Variants in LRRC56 observed in about 807,000 individuals in gnomAD.
LRRC56 encodes the protein leucine rich repeat containing 56.
In LRRC56, 41 loss-of-function variants were observed where a neutral mutation model predicts 47.8. The observed-to-expected ratio is 0.86, with a 90% confidence interval of 0.67 to 1.11. LRRC56 has a LOEUF of 1.11. Among genes scored for constraint, LRRC56 ranks in the 50% most tolerant of loss-of-function variants. The pLI is 0.00. For missense variants in LRRC56, 759 were observed against 704.2 expected, an observed-to-expected ratio of 1.08 and a Z score of -0.88; for synonymous variants, 387 against 311.2, an observed-to-expected ratio of 1.24 and a Z score of -2.56.
chr11:543,455 TC>T (rs1192153247), intron 5 of LRRC56, among the ~76,000 whole-genome samples: 5 of 152,152 alleles, frequency 3.3e-5, no homozygotes, highest in African/African-American at 1.2e-4. Flanking sequence ...CCTCAGGTGA[TC>T]CACCCGCCTC....
At chr11:533,527 C>G (rs763754805), upstream of LRRC56, 5 of 1,613,712 alleles carry the variant, frequency 3.1e-6, no homozygotes, top group African/African-American at 6.7e-5. Flanking sequence ...TGCCGAGATT[C>G]CACAGTGCGT....
the LRRC56 span, among the ~76,000 whole-genome samples, chr11:511,149 G>A: frequency 6.6e-5 from 10 of 150,736 alleles, no homozygotes; most frequent in East Asian, 2.0e-4. Context: ...GTAAAACCGC[G>A]TCTCTACTAA....
chr11:539,777 G>T (rs945644873), intron 3 of LRRC56, 51 bp downstream of exon 3: 2 of 152,464 alleles, frequency 1.3e-5, no homozygotes, highest in African/African-American at 4.8e-5. Context: ...GGAAGAATGG[G>T]ATGCAAGAGA....
At chr11:537,821 G>A (rs1164220624) in intron 1 of LRRC56, among the ~76,000 whole-genome samples, 1 of 152,210 alleles carries the variant, frequency 6.6e-6, no homozygotes, top group Non-Finnish European at 1.5e-5. Flanking sequence ...CAGGAGACAG[G>A]AGGGGCCCCA....
chr11:519,199 C>T, the LRRC56 span, among the ~76,000 whole-genome samples: 1 of 152,356 alleles, frequency 6.6e-6, no homozygotes, highest in African/African-American at 2.4e-5. Flanking sequence ...CCCTGAGCCG[C>T]GCGCATTCCT....
intron 5 of LRRC56, among the ~76,000 whole-genome samples, chr11:543,504 C>A (rs1302424766): frequency 6.6e-6 from 1 of 152,204 alleles, no homozygotes; most frequent in African/African-American, 2.4e-5. Flanking sequence ...TGTGAGCCAC[C>A]ACGCCAGGCC....
In LRRC56 at chr11:550,124, TG is replaced by T. The variant is rs1221197180; in HGVS notation, c.478del (p.Glu160AsnfsTer60). 4 of 1,613,506 alleles carry T rather than the reference TG, an allele frequency of 2.5e-6. No homozygotes were observed. The highest frequency in any genetic ancestry group is 3.4e-6 in the Non-Finnish European group (4 of 1,179,862). On this transcript the variant is annotated frameshift_variant, in exon 8 of 14. Transcript: ENST00000270115. LOFTEE classifies it high-confidence loss of function. Reference sequence around the variant, plus strand: ...TCGGACCTGAGCCCACTGTGCCTGCTGGAACAATTGGAGGTGCTGGACCTGG... The same window carrying T: ...TCGGACCTGAGCCCACTGTGCCTGCTGAACAATTGGAGGTGCTGGACCTGG... ...NISDLSPLCL[L>X]EQLEVLDLEG...
In LRRC56 at chr11:541,420, C is replaced by T; in HGVS notation, c.178-117C>T. 1.9e-6 allele frequency: 1 copy of T among 528,220 alleles called. No individual in the cohort carries two copies. Among genetic ancestry groups the T allele is most frequent in the Non-Finnish European group, 3.3e-6 (1 of 305,362 alleles). 32.7% of individuals were successfully genotyped at this position (528,220 alleles called of 1,614,324 possible). A position where few individuals can be genotyped will look rare whatever the true frequency, so the allele number is the denominator to read the frequency against. On this transcript the variant is annotated intron_variant, in intron 4 of 13. Coordinates refer to ENST00000270115, the MANE Select transcript of LRRC56 (RefSeq NM_198075.4). The surrounding 1 kb of genome is among the most constrained non-coding windows in gnomAD (Gnocchi z 4.1). ...CAGGCCAGGGCCAACATGGCCCAGG[C>T]AGGGAAACGTCGGTGCCTGCTCCAG...
At chr11:516,283 C>T in the LRRC56 span, among the ~76,000 whole-genome samples, 73 of 152,206 alleles carry the variant, frequency 4.8e-4, no homozygotes, top group Middle Eastern at 6.8e-3. Context: ...ATCCCAGCTA[C>T]TCGGGAGGCT....
chr11:508,870 C>T, the LRRC56 span, among the ~76,000 whole-genome samples: 7 of 151,746 alleles, frequency 4.6e-5, no homozygotes, highest in African/African-American at 9.7e-5. Flanking sequence ...ATGATGAAAC[C>T]CCATCTCTAC....
chr11:528,377 C>G, the LRRC56 span: 3 of 152,198 alleles, frequency 2.0e-5, no homozygotes, highest in Admixed American at 2.0e-4. Flanking sequence ...TCCACCCCCT[C>G]GGCAGCCCAG....
rs1564808456 is a variant in LRRC56 at position 552,584 on chromosome 11, G to A, written c.1197G>A (p.Arg399=). 2 of 1,605,964 alleles carry A rather than the reference G, an allele frequency of 1.2e-6. No homozygotes were observed. Among genetic ancestry groups the A allele is most frequent in the Middle Eastern group, 1.9e-4 (1 of 5,222 alleles). Residue 399 remains arginine (R), a synonymous_variant, in exon 13 of 14, where the codon AGG becomes AGA. Coordinates refer to ENST00000270115, the MANE Select transcript of LRRC56 (RefSeq NM_198075.4). ...REHGVRPLPY[R]HPESQQEGAV... ...CCCACCCTAGCCCCCTCCCCTATAG[G>A]CACCCGGAGTCCCAACAGGAAGGGG...
At chr11:508,019 C>G in the LRRC56 span, among the ~76,000 whole-genome samples, 1 of 152,254 alleles carries the variant, frequency 6.6e-6, no homozygotes, top group African/African-American at 2.4e-5. Context: ...GACCCCACCT[C>G]CACAAAAGTG....
the LRRC56 span, among the ~76,000 whole-genome samples, chr11:526,941 AAG>A: frequency 6.6e-6 from 1 of 152,130 alleles, no homozygotes; most frequent in African/African-American, 2.4e-5. Context: ...CGTCTAAAAA[AAG>A]AAAAAAAAAG....
the LRRC56 span, among the ~76,000 whole-genome samples, chr11:531,500 T>C: frequency 6.6e-6 from 1 of 152,108 alleles, no homozygotes; most frequent in Non-Finnish European, 1.5e-5. Context: ...GCAGAGTGGG[T>C]GGCAGAGCCT....
chr11:550,060 C>T lies in LRRC56; in HGVS notation c.424-12C>T, dbSNP rs776496463. On this transcript the variant is annotated splice_polypyrimidine_tract_variant and intron_variant, in intron 7 of 13. Transcript: ENST00000270115. ...TGGGCCGGGCCCTGGCTCAGAGCCC[C>T]GCGCTGCCCAGGAACTCTACGCCTC... 2.2e-5 allele frequency: 36 copies of T among 1,611,260 alleles called. No individual in the cohort carries two copies. Among genetic ancestry groups the T allele is most frequent in the Admixed American group, 5.0e-5 (3 of 59,934 alleles).
upstream of LRRC56, chr11:532,689 G>C: frequency 6.2e-7 from 1 of 1,613,174 alleles, no homozygotes; most frequent in Non-Finnish European, 8.5e-7. Flanking sequence ...TCATCAGGAG[G>C]GTTCAGCTTC....
Position 550,265 on chromosome 11 carries a change from CCAA to C in LRRC56, c.621_623del (p.Asn207del), listed in dbSNP as rs745440778. 2.5e-5 allele frequency: 39 copies of C among 1,590,070 alleles called. No individual in the cohort carries two copies. In the South Asian group the frequency reaches 4.0e-4, roughly 17 times the overall value. ...TGCCTACAGCCGGCCCCTGGCCCCA[CCAA>C]CAAGGTGCGTGTCCCGGGCACCCGG... is the stretch of plus-strand genomic sequence containing the variant. On this transcript the variant is annotated inframe_deletion, in exon 8 of 14. Coordinates refer to ENST00000270115, the MANE Select transcript of LRRC56 (RefSeq NM_198075.4).
chr11:541,419 G>T lies in LRRC56; in HGVS notation c.178-118G>T. ...CCAGGCCAGGGCCAACATGGCCCAGGCAGGGAAACGTCGGTGCCTGCTCCA... is the reference window on the plus strand; with the variant it reads ...CCAGGCCAGGGCCAACATGGCCCAGTCAGGGAAACGTCGGTGCCTGCTCCA... On this transcript the variant is annotated intron_variant, in intron 4 of 13. Coordinates refer to ENST00000270115, the MANE Select transcript of LRRC56 (RefSeq NM_198075.4). This position sits in a 1 kb window ranked among gnomAD's most constrained non-coding sequence, Gnocchi z 4.1. 1 of 522,742 alleles carries T rather than the reference G, an allele frequency of 1.9e-6. No homozygotes were observed. The highest frequency in any genetic ancestry group is 3.4e-5 in the East Asian group (1 of 29,814). 32.4% of individuals were successfully genotyped at this position (522,742 alleles called of 1,614,324 possible). A position where few individuals can be genotyped will look rare whatever the true frequency, so the allele number is the denominator to read the frequency against.
Sources: gnomAD v4.1 joint callset for allele counts (sites outside exome capture counted in the v4.1 genomes callset) on GRCh38, gnomAD v4.1.1 for gene constraint, Gnocchi (gnomAD v3.1) non-coding constraint, MANE v1.5 for transcripts, NCBI Gene and HGNC (gene_info 2026-07-23, HGNC 2026-07-21) for gene names.